Variants in KIAA1217 observed in about 807,000 individuals in gnomAD.
The protein encoded by KIAA1217 is sickle tail protein homolog.
In KIAA1217, 88 loss-of-function variants were observed where a neutral mutation model predicts 163.9. The ratio of observed to expected loss-of-function variants is 0.54; its 90% CI spans 0.45 to 0.64. The LOEUF (loss-of-function observed/expected upper bound fraction) is 0.64, where lower values mean the gene tolerates loss of function less well. Among genes scored for constraint, KIAA1217 ranks in the 30% least tolerant of loss-of-function variants. The probability of loss-of-function intolerance (pLI) is 0.00; values close to 1 mark genes in which losing one functional copy is unlikely to be tolerated. For missense variants in KIAA1217, 2,372 were observed against 2,475.0 expected, an observed-to-expected ratio of 0.96 and a Z score of 0.88; for synonymous variants, 903 against 923.1, an observed-to-expected ratio of 0.98 and a Z score of 0.39.
intron 1 of KIAA1217, among the ~76,000 whole-genome samples, chr10:23,984,065 C>T (rs151172450): frequency 5.5e-4 from 84 of 152,284 alleles, no homozygotes; most frequent in African/African-American, 1.9e-3. Context: ...TTCCAAAATC[C>T]ACTGGACAAA....
chr10:23,962,160 C>T (rs1334485622), intron 1 of KIAA1217, among the ~76,000 whole-genome samples: 1 of 152,180 alleles, frequency 6.6e-6, no homozygotes, highest in Non-Finnish European at 1.5e-5. Flanking sequence ...AATTACTAGG[C>T]ATTATTCTCA....
rs186138035 is a variant in KIAA1217, at chr10:23,906,062, G to A, written c.-320-101163G>A. ...GCTGGTTCCTCACATGTTGGAGGAT[G>A]GAAAAGCAAAAGGGCCCAGCTAATT... On this transcript the variant is annotated intron_variant, in intron 1 of 18. Coordinates refer to the KIAA1217 transcript ENST00000376462. Among the ~76,000 whole-genome samples the A allele has an allele frequency of 1.5e-3, 225 of 152,192 alleles. 2 individuals carry two copies. The highest frequency in any genetic ancestry group is 1.4e-3 in the Non-Finnish European group (93 of 67,998).
chr10:24,534,006 G>A (rs1028912928), intron 16 of KIAA1217, among the ~76,000 whole-genome samples: 1 of 152,094 alleles, frequency 6.6e-6, no homozygotes, highest in Non-Finnish European at 1.5e-5. Flanking sequence ...TTTGCCTCAT[G>A]CTTCTTATAG....
chr10:24,159,744 C>G (rs2131882019), intron 2 of KIAA1217, among the ~76,000 whole-genome samples: 1 of 152,130 alleles, frequency 6.6e-6, no homozygotes, highest in African/African-American at 2.4e-5. Context: ...GATCACGCCA[C>G]TGCGCTCCAG....
chr10:23,829,060 T>C (rs1838046703), intron 1 of KIAA1217, among the ~76,000 whole-genome samples: 1 of 152,194 alleles, frequency 6.6e-6, no homozygotes, highest in Non-Finnish European at 1.5e-5. Context: ...CTAAGCACTT[T>C]TGCTTAAGGA....
chr10:24,256,325 TTAAC>T (rs752122921), intron 2 of KIAA1217, among the ~76,000 whole-genome samples: 33 of 152,272 alleles, frequency 2.2e-4, no homozygotes, highest in Non-Finnish European at 7.3e-5. Context: ...GCTTGAGAAG[TTAAC>T]TAACTGTCTT....
chr10:23,934,793 A>G (rs913124799), intron 1 of KIAA1217, among the ~76,000 whole-genome samples: 8 of 149,566 alleles, frequency 5.3e-5, no homozygotes, highest in Non-Finnish European at 1.2e-4. Context: ...AATTTTTTGT[A>G]TTTTTAGTAG....
Position 23,996,744 on chromosome 10 carries a change from T to A in KIAA1217, c.-320-10481T>A, listed in dbSNP as rs575704741. On this transcript the variant is annotated intron_variant, in intron 1 of 18. Transcript: ENST00000376462. ...TTTAATATATTTTAAAAGGCTTTTT[T>A]AAAAATGAACTTTAACTTTGATCTT... Among the ~76,000 whole-genome samples, 473 of 152,312 alleles carry A rather than the reference T, an allele frequency of 3.1e-3. 6 individuals are homozygous for A. Among genetic ancestry groups the A allele is most frequent in the African/African-American group, 0.011 (447 of 41,570 alleles).
chr10:23,875,862 C>T (rs552240082), intron 1 of KIAA1217, among the ~76,000 whole-genome samples: 2 of 150,568 alleles, frequency 1.3e-5, no homozygotes, highest in East Asian at 2.0e-4. Flanking sequence ...GCAAACCAAA[C>T]ACTGCATGTC....
At chr10:23,870,928 A>G (rs1318663489) in intron 1 of KIAA1217, among the ~76,000 whole-genome samples, 2 of 152,100 alleles carry the variant, frequency 1.3e-5, no homozygotes, top group Non-Finnish European at 2.9e-5. Context: ...GAAATTAAAT[A>G]TGTGACTAAG....
intron 1 of KIAA1217, among the ~76,000 whole-genome samples, chr10:23,942,821 G>C (rs1369067043): frequency 6.6e-6 from 1 of 151,698 alleles, no homozygotes; most frequent in Non-Finnish European, 1.5e-5. Context: ...TCAAGAAAAA[G>C]AAACAGTCTG....
At chr10:24,464,742 C>T (rs1258678442) in intron 5 of KIAA1217, among the ~76,000 whole-genome samples, 1 of 152,158 alleles carries the variant, frequency 6.6e-6, no homozygotes, top group Admixed American at 6.5e-5. Flanking sequence ...GCTTCCACAT[C>T]CCAAAGTGCT....
In KIAA1217 at chr10:23,965,015, C is replaced by T. The variant is rs145071919; in HGVS notation, c.-320-42210C>T. 1.2e-3 allele frequency among the ~76,000 whole-genome samples: 185 copies of T among 152,242 alleles called. 1 individual carries two copies. Among genetic ancestry groups the T allele is most frequent in the African/African-American group, 4.0e-3 (168 of 41,546 alleles). ...AAAGGAACAGAAAATGACTTTACCC[C>T]GTCCCCCAGCTGCACATTAAAGGTG... On this transcript the variant is annotated intron_variant, in intron 1 of 18. Coordinates refer to the KIAA1217 transcript ENST00000376462.
At chr10:24,510,025 T>C (rs2068883954) in intron 9 of KIAA1217, among the ~76,000 whole-genome samples, 1 of 152,178 alleles carries the variant, frequency 6.6e-6, no homozygotes, top group Non-Finnish European at 1.5e-5. Flanking sequence ...CATGCAGTTC[T>C]AACCTGTGTT....
chr10:24,378,128 C>T (rs1026733832), intron 2 of KIAA1217, among the ~76,000 whole-genome samples: 4 of 152,160 alleles, frequency 2.6e-5, no homozygotes, highest in Non-Finnish European at 5.9e-5. Context: ...TTAACCACAG[C>T]TTCAAGTTGA....
At chr10:23,838,307 A>G (rs981216099) in intron 1 of KIAA1217, among the ~76,000 whole-genome samples, 1 of 152,190 alleles carries the variant, frequency 6.6e-6, no homozygotes, top group Non-Finnish European at 1.5e-5. Flanking sequence ...ATGATTTCCC[A>G]TTACTGATAT....
chr10:23,991,991 A>T (rs1467000664), intron 1 of KIAA1217, among the ~76,000 whole-genome samples: 4 of 152,180 alleles, frequency 2.6e-5, no homozygotes, highest in Non-Finnish European at 5.9e-5. Context: ...TAGAGAACAT[A>T]AATTGTCTTG....
chr10:24,330,790 T>C (rs572874035), intron 2 of KIAA1217, among the ~76,000 whole-genome samples: 1 of 151,998 alleles, frequency 6.6e-6, no homozygotes, highest in African/African-American at 2.4e-5. Flanking sequence ...AATTTTTTAA[T>C]TTTTTGTAGA....
chr10:24,400,056 C>T (rs10508673), intron 3 of KIAA1217, among the ~76,000 whole-genome samples: 7,829 of 152,206 alleles, frequency 0.051, 718 homozygotes, highest in African/African-American at 0.18. Flanking sequence ...CTAATCGCCC[C>T]TGCGTAAATA....
Sources: gnomAD v4.1 joint callset for allele counts (sites outside exome capture counted in the v4.1 genomes callset) on GRCh38, gnomAD v4.1.1 for gene constraint, MANE v1.5 for transcripts, NCBI Gene and HGNC (gene_info 2026-07-23, HGNC 2026-07-21) for gene names.